Variants in SLMAP observed in about 807,000 individuals in gnomAD.
SLMAP encodes the protein sarcolemmal membrane-associated protein.
In SLMAP, 44 loss-of-function variants were observed where a neutral mutation model predicts 128.8. The observed-to-expected ratio is 0.34, with a 90% CI of 0.27 to 0.44. SLMAP has a LOEUF of 0.44. SLMAP is among the 20% of genes least tolerant of loss of function. SLMAP has a pLI of 1.00. For synonymous variants in SLMAP, 327 were observed against 348.8 expected (o/e 0.94, Z 0.70); for missense variants, 787 against 985.3 (o/e 0.80, Z 2.69).
intron 13 of SLMAP, among the ~76,000 whole-genome samples, chr3:57,871,211 T>G (rs2153616380): frequency 6.6e-6 from 1 of 152,336 alleles, no homozygotes; most frequent in East Asian, 1.9e-4. Flanking sequence ...CTTTATGATA[T>G]TCTTAAAGTA....
chr3:57,835,737 A>T (rs1284948362), intron 3 of SLMAP, among the ~76,000 whole-genome samples: 3 of 152,224 alleles, frequency 2.0e-5, no homozygotes, highest in Non-Finnish European at 4.4e-5. Flanking sequence ...AGAATAAAAA[A>T]TAGCAAAATA....
At chr3:57,781,407 C>T (rs1030056781) in intron 2 of SLMAP, among the ~76,000 whole-genome samples, 1 of 151,962 alleles carries the variant, frequency 6.6e-6, no homozygotes, top group African/African-American at 2.4e-5. Context: ...TGTTTATATA[C>T]TGATATGGGA....
chr3:57,927,237 A>C, intron 24 of SLMAP, 59 bp from the exon 25 acceptor site: 1 of 1,053,646 alleles, frequency 9.5e-7, no homozygotes, highest in Non-Finnish European at 1.4e-6. Context: ...CCAAGGGGTT[A>C]ATAGGTATGA....
At chr3:57,771,220 T>TGAGAGA (rs377559257) in intron 2 of SLMAP, among the ~76,000 whole-genome samples, 22 of 135,762 alleles carry the variant, frequency 1.6e-4, no homozygotes, top group South Asian at 1.3e-3. Flanking sequence ...CCTCCTCCTT[T>TGAGAGA]GAGAGAGAGA....
At position 57,764,959 on chromosome 3, in the gene SLMAP, G is replaced by A. The variant is rs150699828; in HGVS notation, c.198+7110G>A. Among the ~76,000 whole-genome samples, 430 of 152,320 alleles carry A rather than the reference G, an allele frequency of 2.8e-3. 3 individuals carry two copies. Among genetic ancestry groups the A allele is most frequent in the African/African-American group, 9.5e-3 (393 of 41,570 alleles). On this transcript the variant is annotated intron_variant, in intron 2 of 24. Transcript: ENST00000671191. The stretch of plus-strand genomic sequence containing the variant: ...TTGCACATTAGGACTTCGGCAAAGC[G>A]CAAGGTCCTGTGTGAACTGAAGACT...
intron 19 of SLMAP, among the ~76,000 whole-genome samples, chr3:57,910,439 C>G (rs1280927266): frequency 6.6e-6 from 1 of 152,160 alleles, no homozygotes; most frequent in Non-Finnish European, 1.5e-5. Context: ...ACCTTGGCCT[C>G]CCAAAGTGCA....
At chr3:57,823,831 C>T (rs2092720839) in intron 2 of SLMAP, among the ~76,000 whole-genome samples, 1 of 152,166 alleles carries the variant, frequency 6.6e-6, no homozygotes, top group Non-Finnish European at 1.5e-5. Context: ...TTTACAGTCC[C>T]AGCAACAGTG....
intron 3 of SLMAP, among the ~76,000 whole-genome samples, chr3:57,835,215 G>A (rs1374495802): frequency 2.6e-5 from 4 of 151,708 alleles, no homozygotes; most frequent in African/African-American, 9.7e-5. Context: ...TGAAGTAGGA[G>A]GAGCCCTTGA....
At chr3:57,922,806 T>A (rs900484912) in intron 22 of SLMAP, 83 bp from the exon 23 acceptor site, 8 of 1,263,558 alleles carry the variant, frequency 6.3e-6, no homozygotes, top group Middle Eastern at 2.0e-4. Context: ...CTAAATAGGA[T>A]CTGGCGTATA....
At chr3:57,766,885 G>C (rs1312520793) in intron 2 of SLMAP, among the ~76,000 whole-genome samples, 1 of 151,480 alleles carries the variant, frequency 6.6e-6, no homozygotes, top group Admixed American at 6.6e-5. Flanking sequence ...ATTTAACTTT[G>C]TGTATAATTT....
At chr3:57,830,085 A>C (rs1231870871) in intron 2 of SLMAP, among the ~76,000 whole-genome samples, 1 of 152,164 alleles carries the variant, frequency 6.6e-6, no homozygotes, top group African/African-American at 2.4e-5. Context: ...TCCAGGCTGG[A>C]GTGCAGGGGC....
chr3:57,761,394 A>G (rs2153428573), intron 2 of SLMAP, among the ~76,000 whole-genome samples: 1 of 152,104 alleles, frequency 6.6e-6, no homozygotes, highest in South Asian at 2.1e-4. Context: ...TTCTGGATTC[A>G]AGAGATTCTC....
In SLMAP at chr3:57,922,971, A is replaced by C. The variant is rs1343528229; in HGVS notation, c.2393A>C (p.Glu798Ala). Residue 798 changes from glutamate (E) to alanine (A), a missense_variant, in exon 23 of 25, where the codon GAG becomes GCG. Glu to Ala is a moderately radical substitution (Grantham distance 107). This residue lies in a region of SLMAP where 715 missense variants were observed against 843.6 expected (regional missense o/e 0.85). Coordinates refer to ENST00000671191, the MANE Select transcript of SLMAP (RefSeq NM_001377540.1). The stretch of plus-strand genomic sequence containing the variant: ...CAGGAAAAGCAGTCAATCACAGATG[A>C]GCTCAAACAGTGTAAAAACAACCTG... ...TEQEKQSITD[E>A]LKQCKNNLKL... 1 of 1,613,950 alleles carries C rather than the reference A, an allele frequency of 6.2e-7. No homozygotes were observed. Among genetic ancestry groups the C allele is most frequent in the Non-Finnish European group, 8.5e-7 (1 of 1,179,884 alleles).
At chr3:57,888,295 A>T (rs1157704922) in intron 14 of SLMAP, among the ~76,000 whole-genome samples, 1 of 152,226 alleles carries the variant, frequency 6.6e-6, no homozygotes, top group Non-Finnish European at 1.5e-5. Context: ...ATAGCATACT[A>T]TATGACTCAT....
Position 57,757,537 on chromosome 3 carries a change from T to G in SLMAP, c.-115T>G. On this transcript the variant is annotated 5_prime_UTR_variant, in exon 2 of 25. Transcript: ENST00000671191. ...TGGTTATGCTTAGACAATGTGCAGT[T>G]TGTGTTAATTTAAAATTTTGGGTGG... is the stretch of plus-strand genomic sequence containing the variant. 4.7e-6 allele frequency: 4 copies of G among 854,420 alleles called. No homozygotes were observed. The highest frequency in any genetic ancestry group is 7.6e-6 in the Non-Finnish European group (4 of 529,338). 52.9% of individuals were successfully genotyped at this position (854,420 alleles called of 1,614,324 possible). A position where few individuals can be genotyped will look rare whatever the true frequency, so the allele number is the denominator to read the frequency against.
chr3:57,767,081 G>A (rs965269338), intron 2 of SLMAP, among the ~76,000 whole-genome samples: 3 of 151,898 alleles, frequency 2.0e-5, no homozygotes, highest in Non-Finnish European at 4.4e-5. Context: ...AGCACACCTG[G>A]CTAATTTTTG....
intron 13 of SLMAP, among the ~76,000 whole-genome samples, chr3:57,869,630 T>TTATATGTATATATATATATATA: frequency 1.3e-5 from 1 of 75,466 alleles, no homozygotes; most frequent in Non-Finnish European, 2.5e-5. Flanking sequence ...CCCATCTCTA[T>TTATATGTATATATATATATATA]TATATATATA....
chr3:57,831,288 A>G, intron 2 of SLMAP, 95 bp from the exon 3 acceptor site: 1 of 840,020 alleles, frequency 1.2e-6, no homozygotes, highest in South Asian at 3.2e-5. Context: ...TTCACTTGCA[A>G]TAGTTGGCAA....
chr3:57,917,030 A>T lies in SLMAP; in HGVS notation c.2263A>T (p.Thr755Ser). The part of the protein sequence containing the change: ...QHLRDSADLK[T>S]LLSKAENQAK... ...TCTTCGGGATTCAGCTGATTTAAAA[A>T]CTCTTCTCAGTAAGGCAGAAAACCA... Residue 755 changes from threonine (T) to serine (S), a missense_variant, in exon 22 of 25, where the codon ACT (threonine) becomes TCT (serine). Around this residue, in one of 2 missense-constraint regions of SLMAP, gnomAD observed 715 missense variants for 843.6 expected, o/e 0.85. Coordinates refer to ENST00000671191, the MANE Select transcript of SLMAP (RefSeq NM_001377540.1). The T allele has an allele frequency of 6.2e-7, 1 of 1,613,752 alleles. No homozygotes were observed. The highest frequency in any genetic ancestry group is 8.5e-7 in the Non-Finnish European group (1 of 1,179,914).
Sources: allele counts gnomAD v4.1 joint callset (sites outside exome capture counted in the v4.1 genomes callset), GRCh38; gene constraint gnomAD v4.1.1; regional missense constraint gnomAD v4.1.1; transcripts MANE v1.5; gene names NCBI Gene and HGNC (gene_info 2026-07-23, HGNC 2026-07-21).